Variants in BAIAP2 observed in about 807,000 individuals in gnomAD.
BAIAP2 encodes BAR/IMD domain containing adaptor protein 2.
Under a neutral mutation model 63.0 loss-of-function variants are expected in BAIAP2, and 18 were observed. The ratio of observed to expected loss-of-function variants is 0.29; its 90% confidence interval spans 0.20 to 0.42. The LOEUF is 0.42. Among genes scored for constraint, BAIAP2 ranks in the 10% least tolerant of loss-of-function variants. The probability of loss-of-function intolerance (pLI) is 1.00; values close to 1 mark genes in which losing one functional copy is unlikely to be tolerated. For synonymous variants in BAIAP2, 386 were observed against 307.6 expected (o/e 1.25, Z -2.67); for missense variants, 610 against 734.3 (o/e 0.83, Z 1.96).
intron 3 of BAIAP2, among the ~76,000 whole-genome samples, chr17:81,072,457 G>A (rs545291683): frequency 6.6e-6 from 1 of 152,184 alleles, no homozygotes; most frequent in Non-Finnish European, 1.5e-5. Context: ...GCCCACACTC[G>A]TCAGTTTCAC....
intron 3 of BAIAP2, among the ~76,000 whole-genome samples, chr17:81,062,323 G>A (rs1017150741): frequency 4.8e-5 from 7 of 146,874 alleles, no homozygotes; most frequent in African/African-American, 1.3e-4. Context: ...TTTTTTTTTG[G>A]TATTACAGTT....
chr17:81,067,623 C>T (rs770850129), intron 3 of BAIAP2, among the ~76,000 whole-genome samples: 6 of 152,218 alleles, frequency 3.9e-5, no homozygotes, highest in Non-Finnish European at 7.4e-5. Flanking sequence ...TCAGTAGCTC[C>T]GAGCGTCACC....
intron 3 of BAIAP2, among the ~76,000 whole-genome samples, chr17:81,082,145 G>A (rs984131933): frequency 6.6e-6 from 1 of 152,126 alleles, no homozygotes; most frequent in Admixed American, 6.5e-5. Flanking sequence ...GTTGTGGCCA[G>A]AGTGGGTAGC....
At chr17:81,071,789 G>A (rs1462323653) in intron 3 of BAIAP2, among the ~76,000 whole-genome samples, 1 of 152,224 alleles carries the variant, frequency 6.6e-6, no homozygotes, top group Non-Finnish European at 1.5e-5. Flanking sequence ...CTCACATTCT[G>A]CCATCCGAGC....
At chr17:81,090,926 G>C (rs1383929324) in intron 6 of BAIAP2, among the ~76,000 whole-genome samples, 1 of 152,202 alleles carries the variant, frequency 6.6e-6, no homozygotes. Flanking sequence ...GTGGCCGCTG[G>C]GGGCCCAGCT....
At chr17:81,075,084 C>T (rs2053436859) in intron 3 of BAIAP2, among the ~76,000 whole-genome samples, 1 of 152,238 alleles carries the variant, frequency 6.6e-6, no homozygotes, top group African/African-American at 2.4e-5. Flanking sequence ...GTGGGAACCC[C>T]TGGGTGTGGT....
At chr17:81,072,855 G>A (rs1598636785) in intron 3 of BAIAP2, among the ~76,000 whole-genome samples, 1 of 152,056 alleles carries the variant, frequency 6.6e-6, no homozygotes, top group East Asian at 1.9e-4. Flanking sequence ...CCTTGCTCTG[G>A]GGCCGGGCTG....
intron 1 of BAIAP2, among the ~76,000 whole-genome samples, chr17:81,048,414 A>G (rs2048159655): frequency 6.6e-6 from 1 of 150,650 alleles, no homozygotes; most frequent in Admixed American, 6.6e-5. Flanking sequence ...GGACCCCAGC[A>G]CGGCCCAGGA....
chr17:81,105,140 CTT>C (rs1469975346), intron 10 of BAIAP2: 40 of 165,038 alleles, frequency 2.4e-4, no homozygotes, highest in Non-Finnish European at 3.3e-4. Flanking sequence ...TGGCAGGGGT[CTT>C]TCCCCACGGC....
At chr17:81,111,960 G>A (rs138407879) in intron 13 of BAIAP2, among the ~76,000 whole-genome samples, 12 of 152,380 alleles carry the variant, frequency 7.9e-5, no homozygotes, top group African/African-American at 2.4e-4. Flanking sequence ...CCAGGCCACA[G>A]GCAGATCATG....
At chr17:81,096,130 C>T (rs1300382521) in intron 6 of BAIAP2, among the ~76,000 whole-genome samples, 1 of 152,172 alleles carries the variant, frequency 6.6e-6, no homozygotes, top group African/African-American at 2.4e-5. Flanking sequence ...TCCCCCGAGT[C>T]CTATTCAGAC....
intron 7 of BAIAP2, among the ~76,000 whole-genome samples, chr17:81,100,447 G>T (rs540278794): frequency 6.6e-6 from 1 of 152,308 alleles, no homozygotes; most frequent in East Asian, 1.9e-4. Flanking sequence ...CGGAGTCCCG[G>T]TGGGACACCT....
At chr17:81,085,103 C>T (rs371209601) in intron 4 of BAIAP2, 39 of 599,992 alleles carry the variant, frequency 6.5e-5, no homozygotes, top group African/African-American at 6.5e-4. Context: ...GCATGTTTCA[C>T]TGGCTGCAGT....
intron 1 of BAIAP2, among the ~76,000 whole-genome samples, chr17:81,038,472 GGGA>G (rs973383899): frequency 6.6e-6 from 1 of 152,236 alleles, no homozygotes; most frequent in East Asian, 1.9e-4. Context: ...AGAGCATCTG[GGGA>G]GGAGGAGGAG....
chr17:81,074,891 G>A (rs1174527950), intron 3 of BAIAP2, among the ~76,000 whole-genome samples: 2 of 152,238 alleles, frequency 1.3e-5, no homozygotes, highest in Non-Finnish European at 2.9e-5. Flanking sequence ...GAACCTCGGC[G>A]AAGTGAATGG....
chr17:81,088,116 A>C (rs1204152350), intron 6 of BAIAP2, among the ~76,000 whole-genome samples: 1 of 151,968 alleles, frequency 6.6e-6, no homozygotes, highest in Non-Finnish European at 1.5e-5. Context: ...TGCTTTCTGA[A>C]GACAAGCAGC....
chr17:81,044,599 A>G (rs1259971500), intron 1 of BAIAP2, among the ~76,000 whole-genome samples: 2 of 152,200 alleles, frequency 1.3e-5, no homozygotes, highest in Non-Finnish European at 2.9e-5. Context: ...GGGAGGGGAC[A>G]CAGTTCAGCC....
At chr17:81,056,210 C>T (rs189230093) in intron 2 of BAIAP2, among the ~76,000 whole-genome samples, 458 of 152,330 alleles carry the variant, frequency 3.0e-3, no homozygotes, top group Middle Eastern at 6.8e-3. Context: ...TCTCTAGGCA[C>T]AGCACACGAT....
intron 3 of BAIAP2, among the ~76,000 whole-genome samples, chr17:81,081,245 T>C (rs1360740322): frequency 6.6e-6 from 1 of 152,198 alleles, no homozygotes; most frequent in Non-Finnish European, 1.5e-5. Context: ...TGGGAATTTA[T>C]AGGATGCCAA....
Sources: allele counts gnomAD v4.1 joint callset (sites outside exome capture counted in the v4.1 genomes callset), GRCh38; gene constraint gnomAD v4.1.1; transcripts MANE v1.5; gene names NCBI Gene and HGNC (gene_info 2026-07-23, HGNC 2026-07-21).